Variants in C2CD3 observed in about 807,000 individuals in gnomAD.
C2CD3 encodes the protein C2 domain-containing protein 3.
Under a neutral mutation model 234.0 loss-of-function variants are expected in C2CD3, and 148 were observed. That is an observed-to-expected ratio of 0.63 (90% CI 0.55 to 0.72). The LOEUF (loss-of-function observed/expected upper bound fraction) is 0.72. C2CD3 is among the 30% of genes least tolerant of loss of function. C2CD3 has a pLI of 0.00. For missense variants in C2CD3, 2,577 were observed against 2,811.5 expected (o/e 0.92, Z 1.89); for synonymous variants, 1,000 against 1,035.4 (o/e 0.97, Z 0.66).
intron 3 of C2CD3, among the ~76,000 whole-genome samples, chr11:74,160,441 T>G (rs1440267854): frequency 6.6e-6 from 1 of 152,060 alleles, no homozygotes; most frequent in Non-Finnish European, 1.5e-5. Context: ...TGTGACAACA[T>G]GGATGAACCT....
chr11:74,121,608 C>CAAAAAAAA (rs369249513), intron 8 of C2CD3, among the ~76,000 whole-genome samples: 2 of 62,176 alleles, frequency 3.2e-5, no homozygotes, highest in African/African-American at 4.3e-5. Context: ...GACTCCGTCT[C>CAAAAAAAA]AAAAAAAAAA....
At chr11:74,059,815 A>C (rs532053569) in intron 24 of C2CD3, among the ~76,000 whole-genome samples, 12 of 152,240 alleles carry the variant, frequency 7.9e-5, no homozygotes, top group African/African-American at 2.6e-4. Context: ...GGAACAGGGC[A>C]GGGCATTGCC....
At chr11:74,140,953 T>C (rs1485914356) in intron 3 of C2CD3, among the ~76,000 whole-genome samples, 2 of 152,046 alleles carry the variant, frequency 1.3e-5, no homozygotes, top group African/African-American at 4.8e-5. Flanking sequence ...AAACGCCTAA[T>C]GGAGGAATGA....
rs764932719 is a variant in C2CD3, at chr11:74,034,612, T to C, written c.5882-334A>G. On this transcript the variant is annotated intron_variant, in intron 30 of 32. Coordinates refer to ENST00000334126, the MANE Select transcript of C2CD3 (RefSeq NM_001286577.2). The stretch of plus-strand genomic sequence containing the variant: ...TTCCAGTTACTTCAGTAACTACCTA[T>C]ATTAAAAATCAAAATGAGAATCCAC... The C allele has an allele frequency of 9.4e-5, 151 of 1,610,860 alleles. No homozygotes were observed. In the South Asian group the frequency reaches 1.6e-3, roughly 17 times the overall value.
chr11:74,141,227 C>A (rs1285935323), intron 3 of C2CD3, among the ~76,000 whole-genome samples: 1 of 152,138 alleles, frequency 6.6e-6, no homozygotes, highest in African/African-American at 2.4e-5. Flanking sequence ...ATAAAACATG[C>A]CTGGGTCTTG....
At chr11:74,161,663 A>AT (rs901230091) in intron 2 of C2CD3, 107 bp from the exon 3 acceptor site, 9 of 635,314 alleles carry the variant, frequency 1.4e-5, no homozygotes, top group Non-Finnish European at 2.1e-5. Context: ...CTTGAAAAAA[A>AT]ATATTTTATG....
At chr11:74,078,913 G>A (rs1955198336) in intron 22 of C2CD3, among the ~76,000 whole-genome samples, 196 bp from the exon 23 acceptor site, 1 of 152,230 alleles carries the variant, frequency 6.6e-6, no homozygotes. Flanking sequence ...AAGGCTAGGA[G>A]TTGGAAGATC....
intron 13 of C2CD3, among the ~76,000 whole-genome samples, chr11:74,104,721 A>C (rs1251915735): frequency 6.6e-6 from 1 of 152,116 alleles, no homozygotes; most frequent in Non-Finnish European, 1.5e-5. Context: ...CTGTTAGGAG[A>C]CTCAATTACT....
chr11:74,151,672 T>C (rs1157097234), intron 3 of C2CD3, among the ~76,000 whole-genome samples: 2 of 152,310 alleles, frequency 1.3e-5, no homozygotes, highest in African/African-American at 4.8e-5. Flanking sequence ...GCACAATTTA[T>C]AAAATTTACA....
rs756114694 is a variant in C2CD3 at position 74,078,189 on chromosome 11, T to A, written c.4529A>T (p.Asp1510Val). ...CACATAGGCTGAGCCAATCCAGCTG[T>A]CTGTCTGATGGGGTCTCTCCACACT... is the stretch of plus-strand genomic sequence containing the variant. ...NDSVERPHQT[D>V]SWIGSAYVDL... Residue 1510 changes from aspartate to valine, a missense_variant, in exon 23 of 33, where the codon GAC (aspartate) becomes GTC (valine). Transcript: ENST00000334126. The A allele has an allele frequency of 1.2e-6, 2 of 1,614,036 alleles. No individual in the cohort carries two copies. Among genetic ancestry groups the A allele is most frequent in the Non-Finnish European group, 1.7e-6 (2 of 1,179,988 alleles).
chr11:74,113,891 T>G lies in C2CD3; in HGVS notation c.1732A>C (p.Thr578Pro), dbSNP rs200249364. 1.3e-6 allele frequency: 2 copies of G among 1,554,550 alleles called. No homozygotes were observed. Among genetic ancestry groups the G allele is most frequent in the Admixed American group, 4.2e-5 (2 of 48,118 alleles). The change falls in exon 11 of 33, where the codon ACT (threonine) becomes CCT (proline). Residue 578 changes from threonine to proline, a missense_variant and splice_region_variant. By Grantham distance (38) the Thr-to-Pro change is conservative. Coordinates refer to ENST00000334126, the MANE Select transcript of C2CD3 (RefSeq NM_001286577.2). ...GGAAAGTGATATTCTACAAAGAAAG[T>G]GCTAAAAAGAAAAAAAAAGTGATTA... ...PPKVTTAKKR[T>P]FFVEYHFPVG...
intron 3 of C2CD3, among the ~76,000 whole-genome samples, chr11:74,146,596 T>G (rs181166391): frequency 7.9e-5 from 12 of 152,258 alleles, no homozygotes; most frequent in Non-Finnish European, 1.8e-4. Context: ...TGGTCTTTGT[T>G]GACAATAAAC....
intron 3 of C2CD3, among the ~76,000 whole-genome samples, chr11:74,151,499 G>T (rs944380531): frequency 1.3e-5 from 2 of 151,722 alleles, no homozygotes; most frequent in African/African-American, 4.8e-5. Flanking sequence ...GCCAATTTTT[G>T]TATTTTTTGT....
At chr11:74,036,851 A>G (rs1423149481) in intron 30 of C2CD3, among the ~76,000 whole-genome samples, 1 of 152,188 alleles carries the variant, frequency 6.6e-6, no homozygotes, top group African/African-American at 2.4e-5. Flanking sequence ...GGAGTTAGAA[A>G]CAATACTGAT....
chr11:74,023,242 G>A (rs1264416391), intron 32 of C2CD3, among the ~76,000 whole-genome samples: 1 of 152,242 alleles, frequency 6.6e-6, no homozygotes, highest in African/African-American at 2.4e-5. Flanking sequence ...GCCCTCTCCT[G>A]TTTCAGGGAT....
intron 3 of C2CD3, among the ~76,000 whole-genome samples, chr11:74,152,012 C>T (rs141706651): frequency 1.8e-4 from 28 of 152,012 alleles, no homozygotes; most frequent in African/African-American, 5.1e-4. Context: ...AACTATAAAA[C>T]GAAATACACA....
At chr11:74,096,107 A>G (rs1352392745) in intron 16 of C2CD3, among the ~76,000 whole-genome samples, 3 of 152,232 alleles carry the variant, frequency 2.0e-5, no homozygotes, top group Non-Finnish European at 4.4e-5. Context: ...AGGATTTACT[A>G]TGAACCAGGC....
At chr11:74,071,428 A>G (rs1954786384) in intron 24 of C2CD3, among the ~76,000 whole-genome samples, 1 of 152,196 alleles carries the variant, frequency 6.6e-6, no homozygotes, top group African/African-American at 2.4e-5. Context: ...CTGAGCATAG[A>G]GTGTAGACCT....
intron 3 of C2CD3, among the ~76,000 whole-genome samples, chr11:74,149,855 T>C (rs758062096): frequency 3.3e-5 from 5 of 152,162 alleles, no homozygotes; most frequent in Non-Finnish European, 5.9e-5. Context: ...TGAGACTTTG[T>C]ATATACAAAA....
Sources: gnomAD v4.1 joint callset for allele counts (sites outside exome capture counted in the v4.1 genomes callset) on GRCh38, gnomAD v4.1.1 for gene constraint, MANE v1.5 for transcripts, NCBI Gene and HGNC (gene_info 2026-07-23, HGNC 2026-07-21) for gene names.